SPECC1: variants seen among roughly 807,000 people sequenced by gnomAD.
SPECC1 encodes sperm antigen with calponin homology and coiled-coil domains 1, also known as cytospin-B.
A neutral mutation model predicts 104.1 loss-of-function variants in SPECC1; 62 were observed. The observed-to-expected ratio is 0.60, with a 90% CI of 0.49 to 0.74. The LOEUF (loss-of-function observed/expected upper bound fraction) is 0.74, where lower values mean the gene tolerates loss of function less well. Among genes scored for constraint, SPECC1 ranks in the 30% least tolerant of loss-of-function variants. The pLI is 0.00. For synonymous variants in SPECC1, 513 were observed against 501.6 expected (o/e 1.02, Z -0.30); for missense variants, 1,306 against 1,310.5 (o/e 1.00, Z 0.05).
intron 14 of SPECC1, among the ~76,000 whole-genome samples, chr17:20,312,598 T>G (rs1158347879): frequency 6.6e-6 from 1 of 152,224 alleles, no homozygotes; most frequent in Non-Finnish European, 1.5e-5. Context: ...ATCAGTTCCT[T>G]TCTGTAAGTC....
chr17:20,294,427 G>T (rs1488281821), intron 12 of SPECC1, among the ~76,000 whole-genome samples: 1 of 152,262 alleles, frequency 6.6e-6, no homozygotes, highest in Admixed American at 6.5e-5. Context: ...AACAGGACGG[G>T]TTTTCTTTTC....
chr17:20,061,817 T>C (rs1216891240), intron 1 of SPECC1, among the ~76,000 whole-genome samples: 4 of 152,214 alleles, frequency 2.6e-5, no homozygotes, highest in African/African-American at 7.2e-5. Context: ...CAAGACAGCA[T>C]TTTTGCCCTC....
intron 3 of SPECC1, among the ~76,000 whole-genome samples, chr17:20,188,157 T>C (rs1451652539): frequency 6.6e-6 from 1 of 152,256 alleles, no homozygotes; most frequent in Non-Finnish European, 1.5e-5. Context: ...TTGGATGCTA[T>C]TGATGCCACT....
chr17:20,186,104 C>T (rs2035256670), intron 3 of SPECC1, among the ~76,000 whole-genome samples: 1 of 152,176 alleles, frequency 6.6e-6, no homozygotes, highest in Non-Finnish European at 1.5e-5. Flanking sequence ...TCCCAAAGTG[C>T]TGGGATTGCA....
chr17:20,230,215 A>T (rs1210105923), intron 5 of SPECC1, among the ~76,000 whole-genome samples: 2 of 152,188 alleles, frequency 1.3e-5, no homozygotes, highest in Non-Finnish European at 2.9e-5. Flanking sequence ...TTTCCTAGAG[A>T]CAATAGTTCG....
At chr17:20,125,469 G>A (rs138631292) in intron 3 of SPECC1, among the ~76,000 whole-genome samples, 1 of 152,156 alleles carries the variant, frequency 6.6e-6, no homozygotes, top group Admixed American at 6.5e-5. Context: ...ATGTAATTCA[G>A]GGGCAATGCT....
chr17:20,174,744 A>T (rs2034344012), intron 3 of SPECC1, among the ~76,000 whole-genome samples: 1 of 151,748 alleles, frequency 6.6e-6, no homozygotes, highest in Admixed American at 6.6e-5. Flanking sequence ...ATTCTCGGGG[A>T]GGTGGCTCCC....
At chr17:20,171,429 A>G (rs1374520254) in intron 3 of SPECC1, among the ~76,000 whole-genome samples, 1 of 152,260 alleles carries the variant, frequency 6.6e-6, no homozygotes, top group Non-Finnish European at 1.5e-5. Flanking sequence ...ATACATTAAA[A>G]TGACTTCTTC....
At position 20,118,408 on chromosome 17, in the gene SPECC1, A is replaced by G. The variant is rs140441846; in HGVS notation, c.283+7846A>G. On this transcript the variant is annotated intron_variant, in intron 3 of 14. Coordinates refer to ENST00000395527, the MANE Select transcript of SPECC1 (RefSeq NM_001243439.2). ...TATTTATAATAGTATAATATGGGAA[A>G]CAACCTAAGTATGTATTCATACAGG... is the stretch of plus-strand genomic sequence containing the variant. Among the ~76,000 whole-genome samples, 213 of 152,336 alleles carry G rather than the reference A, an allele frequency of 1.4e-3. 4 individuals carry two copies. The highest frequency in any genetic ancestry group is 2.2e-3 in the Non-Finnish European group (151 of 68,032).
At chr17:20,016,811 C>T (rs985992370) in intron 1 of SPECC1, among the ~76,000 whole-genome samples, 6 of 152,206 alleles carry the variant, frequency 3.9e-5, no homozygotes, top group Non-Finnish European at 5.9e-5. Context: ...GGAGTGCGGG[C>T]GCAGGGCGCG....
intron 12 of SPECC1, among the ~76,000 whole-genome samples, chr17:20,262,557 A>T (rs1056847810): frequency 6.6e-6 from 1 of 152,168 alleles, no homozygotes; most frequent in Non-Finnish European, 1.5e-5. Context: ...GGGAGGCTGA[A>T]CACCTTTTCA....
At chr17:20,048,771 A>G (rs1036808624) in intron 1 of SPECC1, among the ~76,000 whole-genome samples, 1 of 151,850 alleles carries the variant, frequency 6.6e-6, no homozygotes, top group South Asian at 2.1e-4. Context: ...ACGTGCCTGT[A>G]GTCCCAGCTA....
intron 1 of SPECC1, among the ~76,000 whole-genome samples, chr17:20,078,378 TA>T (rs896736433): frequency 6.6e-6 from 1 of 151,844 alleles, no homozygotes; most frequent in Non-Finnish European, 1.5e-5. Context: ...GCAAAGGTTA[TA>T]AAAAAGCAAT....
At chr17:20,225,730 T>C (rs1183719285) in intron 4 of SPECC1, among the ~76,000 whole-genome samples, 1 of 152,228 alleles carries the variant, frequency 6.6e-6, no homozygotes, top group Admixed American at 6.5e-5. Context: ...GGCACTGTGA[T>C]CGTTCATCTG....
chr17:20,288,040 A>T (rs973658179), intron 12 of SPECC1, among the ~76,000 whole-genome samples: 15 of 152,010 alleles, frequency 9.9e-5, no homozygotes, highest in African/African-American at 3.6e-4. Context: ...ATAAATGAGA[A>T]CATACTTTGT....
intron 12 of SPECC1, among the ~76,000 whole-genome samples, chr17:20,284,294 C>T (rs759807495): frequency 6.6e-6 from 1 of 152,174 alleles, no homozygotes. Flanking sequence ...AGGCGGTGAT[C>T]AGAGAGGGGC....
chr17:20,315,865 T>C lies in SPECC1; in HGVS notation c.*1800T>C, dbSNP rs1299206867. The stretch of plus-strand genomic sequence containing the variant: ...CATCAGAACCTACAGTGGACCCTTT[T>C]GAAAACACTCTTGGCTGCCCTAGTT... On this transcript the variant is annotated 3_prime_UTR_variant, in exon 15 of 15. Transcript: ENST00000395527. 8.6e-6 allele frequency: 2 copies of C among 232,664 alleles called. No homozygotes were observed. The highest frequency in any genetic ancestry group is 1.7e-5 in the Non-Finnish European group (2 of 117,754). 14.4% of individuals were successfully genotyped at this position (232,664 alleles called of 1,614,324 possible).
chr17:20,181,507 T>G (rs527328220), intron 3 of SPECC1, among the ~76,000 whole-genome samples: 1 of 152,220 alleles, frequency 6.6e-6, no homozygotes, highest in South Asian at 2.1e-4. Flanking sequence ...AGTGGGCAAT[T>G]TCCCCTCAAA....
At chr17:20,143,438 C>G (rs1352604144) in intron 3 of SPECC1, among the ~76,000 whole-genome samples, 2 of 150,740 alleles carry the variant, frequency 1.3e-5, no homozygotes, top group African/African-American at 2.4e-5. Context: ...AATCCCAGCA[C>G]TTTGGCAGGC....
Sources: allele counts gnomAD v4.1 joint callset (sites outside exome capture counted in the v4.1 genomes callset), GRCh38; gene constraint gnomAD v4.1.1; transcripts MANE v1.5; gene names NCBI Gene and HGNC (gene_info 2026-07-23, HGNC 2026-07-21).